Variants in KAZN observed in about 807,000 individuals in gnomAD.
KAZN encodes the protein kazrin, periplakin interacting protein, also known as kazrin.
KAZN carries 40 observed loss-of-function variants against 87.4 expected under a neutral mutation model. The ratio of observed to expected loss-of-function variants is 0.46; its 90% CI spans 0.36 to 0.60. The LOEUF is 0.60. Among genes scored for constraint, KAZN ranks in the 20% least tolerant of loss-of-function variants. The pLI, the probability that KAZN is intolerant of heterozygous loss-of-function variation, is 0.00. For synonymous variants in KAZN, 466 were observed against 458.3 expected, an observed-to-expected ratio of 1.02 and a Z score of -0.22; for missense variants, 898 against 1,073.9, an observed-to-expected ratio of 0.84 and a Z score of 2.29.
chr1:14,832,082 G>A (rs971303595), intron 1 of KAZN, among the ~76,000 whole-genome samples: 1 of 152,032 alleles, frequency 6.6e-6, no homozygotes, highest in African/African-American at 2.4e-5. Context: ...TGTAATCCCA[G>A]CTACTTGAGA....
intron 2 of KAZN, among the ~76,000 whole-genome samples, chr1:14,286,627 G>T (rs1653273412): frequency 6.6e-6 from 1 of 152,160 alleles, no homozygotes; most frequent in Admixed American, 6.5e-5. Context: ...TTCAGTCTTA[G>T]AATTATGTAT....
At chr1:14,047,041 C>T (rs150570882) in intron 1 of KAZN, among the ~76,000 whole-genome samples, 5 of 152,164 alleles carry the variant, frequency 3.3e-5, no homozygotes, top group Non-Finnish European at 7.3e-5. Flanking sequence ...ATTCCTTTGT[C>T]TGTCCACCCA....
In KAZN at chr1:14,901,899, G is replaced by A. The variant is rs938453029; in HGVS notation, c.227-58785G>A. On this transcript the variant is annotated intron_variant, in intron 1 of 14. Coordinates refer to ENST00000376030, the MANE Select transcript of KAZN (RefSeq NM_201628.3). ...TGGGGAAATATACATGAAATACAACGAAGCTCTCAGGAGGTGGTCCTGAAG... is the reference window on the plus strand; with the variant it reads ...TGGGGAAATATACATGAAATACAACAAAGCTCTCAGGAGGTGGTCCTGAAG... Among the ~76,000 whole-genome samples the A allele has an allele frequency of 6.6e-5, 10 of 152,270 alleles. 1 individual carries two copies. The highest frequency in any genetic ancestry group is 1.4e-4 in the African/African-American group (6 of 41,562).
At chr1:14,558,088 CCTT>C (rs1313152756) in intron 2 of KAZN, among the ~76,000 whole-genome samples, 1 of 152,126 alleles carries the variant, frequency 6.6e-6, no homozygotes, top group Non-Finnish European at 1.5e-5. Flanking sequence ...AGAAAGAATC[CCTT>C]CTTCTTTTCA....
chr1:14,010,247 C>T (rs1472520484), intron 1 of KAZN, among the ~76,000 whole-genome samples: 2 of 152,124 alleles, frequency 1.3e-5, no homozygotes, highest in African/African-American at 4.8e-5. Flanking sequence ...GAAAATCCTC[C>T]TAGGCCTACT....
intron 1 of KAZN, among the ~76,000 whole-genome samples, chr1:14,777,003 T>C (rs1004051656): frequency 1.4e-5 from 2 of 147,034 alleles, no homozygotes; most frequent in Admixed American, 6.7e-5. Context: ...TTTTGTTTTG[T>C]GTTTTGTTTT....
intron 8 of KAZN, among the ~76,000 whole-genome samples, chr1:15,090,288 A>G (rs554993901): frequency 2.7e-4 from 41 of 152,340 alleles, no homozygotes; most frequent in South Asian, 1.9e-3. Flanking sequence ...CCAGAAGCAC[A>G]TAACAGAGGT....
chr1:14,304,528 C>T (rs189958911), intron 2 of KAZN: 256 of 397,722 alleles, frequency 6.4e-4, no homozygotes, highest in Admixed American at 1.1e-3. Flanking sequence ...AATCACATTC[C>T]GTTCTGAGGA....
chr1:14,464,189 A>T (rs941790039), intron 2 of KAZN, among the ~76,000 whole-genome samples: 1 of 152,230 alleles, frequency 6.6e-6, no homozygotes, highest in African/African-American at 2.4e-5. Flanking sequence ...TATAATTGAG[A>T]GAGTTGAGCC....
At chr1:14,474,658 C>A (rs1174012624) in intron 2 of KAZN, among the ~76,000 whole-genome samples, 1 of 152,072 alleles carries the variant, frequency 6.6e-6, no homozygotes, top group Non-Finnish European at 1.5e-5. Flanking sequence ...TATTTAAGAG[C>A]TTGAATTTGG....
intron 2 of KAZN, among the ~76,000 whole-genome samples, chr1:14,387,358 A>G (rs1662009090): frequency 1.3e-5 from 2 of 152,254 alleles, no homozygotes; most frequent in Non-Finnish European, 2.9e-5. Flanking sequence ...GCTGGTGAGG[A>G]ACTGCGTTCC....
rs1458319040 is a variant in KAZN, at chr1:15,040,228, T to G, written c.556-3761T>G. The stretch of plus-strand genomic sequence containing the variant: ...AGATCTTGCAGCTGGTTACCAAAAA[T>G]GATTTGCATTTTATGTGCATGATAA... On this transcript the variant is annotated intron_variant, in intron 3 of 14. Transcript: ENST00000376030. 2.0e-5 allele frequency among the ~76,000 whole-genome samples: 3 copies of G among 152,176 alleles called. No homozygotes were observed. The East Asian group carries it at 5.8e-4, about 29-fold the overall frequency.
At chr1:15,083,049 C>T (rs1337773163) in intron 8 of KAZN, among the ~76,000 whole-genome samples, 4 of 152,302 alleles carry the variant, frequency 2.6e-5, no homozygotes, top group Admixed American at 2.0e-4. Context: ...GGATGGACCA[C>T]GTGACCTTGA....
At chr1:14,114,492 T>C (rs1238320856) in intron 1 of KAZN, among the ~76,000 whole-genome samples, 1 of 151,930 alleles carries the variant, frequency 6.6e-6, no homozygotes, top group Non-Finnish European at 1.5e-5. Context: ...CCAGATTGTG[T>C]CCTCTCTTTG....
intron 1 of KAZN, among the ~76,000 whole-genome samples, chr1:14,795,308 A>G (rs1645797361): frequency 6.6e-6 from 1 of 152,108 alleles, no homozygotes; most frequent in South Asian, 2.1e-4. Flanking sequence ...TTAACCCTGT[A>G]AGGGGTGTGC....
At chr1:14,274,673 T>A (rs1455132959) in intron 2 of KAZN, among the ~76,000 whole-genome samples, 1 of 152,146 alleles carries the variant, frequency 6.6e-6, no homozygotes, top group Non-Finnish European at 1.5e-5. Context: ...CCATCCACCC[T>A]GGGTTTGACT....
chr1:14,270,497 C>T (rs1204540149), intron 2 of KAZN, among the ~76,000 whole-genome samples: 2 of 152,180 alleles, frequency 1.3e-5, no homozygotes, highest in Non-Finnish European at 2.9e-5. Context: ...ATAACAGAAT[C>T]TACTGCATTG....
chr1:14,117,478 T>C (rs1644651632), intron 1 of KAZN, among the ~76,000 whole-genome samples: 1 of 152,176 alleles, frequency 6.6e-6, no homozygotes, highest in South Asian at 2.1e-4. Flanking sequence ...TGTAAGTTCA[T>C]TAAAACCTCT....
chr1:14,846,205 C>A (rs1014512556), intron 1 of KAZN, among the ~76,000 whole-genome samples: 9 of 152,176 alleles, frequency 5.9e-5, no homozygotes, highest in African/African-American at 2.2e-4. Context: ...TTTGGAGACT[C>A]AAGATGCAAG....
Sources: gnomAD v4.1 joint callset for allele counts (sites outside exome capture counted in the v4.1 genomes callset) on GRCh38, gnomAD v4.1.1 for gene constraint, MANE v1.5 for transcripts, NCBI Gene and HGNC (gene_info 2026-07-23, HGNC 2026-07-21) for gene names.